EPHB1: variants seen among roughly 807,000 people sequenced by gnomAD.
EPHB1 encodes EPH receptor B1, also known as ephrin type-B receptor 1.
Under a neutral mutation model 94.4 loss-of-function variants are expected in EPHB1, and 30 were observed. That is an observed-to-expected ratio of 0.32 (90% CI 0.24 to 0.43). The LOEUF is 0.43. Among genes scored for constraint, EPHB1 ranks in the 20% least tolerant of loss-of-function variants. EPHB1 has a pLI of 1.00. For missense variants in EPHB1, 1,055 were observed against 1,308.3 expected (o/e 0.81, Z 2.99); for synonymous variants, 522 against 489.1 (o/e 1.07, Z -0.89).
In EPHB1 at chr3:134,951,330, T is replaced by C; in HGVS notation, c.124-41T>C. 6.7e-7 allele frequency: 1 copy of C among 1,494,018 alleles called. No homozygotes were observed. Among genetic ancestry groups the C allele is most frequent in the South Asian group, 1.4e-5 (1 of 71,926 alleles). The allele number at this position is 1,494,018 out of a possible 1,614,324, so 92.5% of individuals were successfully genotyped here. A position where few individuals can be genotyped will look rare whatever the true frequency, so the allele number is the denominator to read the frequency against. Reference sequence around the variant, plus strand: ...ATTTTTGTATTCTCACTCTCTATTTTGTGTTTTTGCATGTGTGTGCCTGTG... The same window carrying C: ...ATTTTTGTATTCTCACTCTCTATTTCGTGTTTTTGCATGTGTGTGCCTGTG... On this transcript the variant is annotated intron_variant, in intron 2 of 15. Coordinates refer to ENST00000398015, the MANE Select transcript of EPHB1 (RefSeq NM_004441.5). This position sits in a 1 kb window ranked among gnomAD's most constrained non-coding sequence, Gnocchi z 4.5.
intron 3 of EPHB1, among the ~76,000 whole-genome samples, chr3:134,993,287 A>T (rs985394769): frequency 6.6e-6 from 1 of 152,352 alleles, no homozygotes; most frequent in Admixed American, 6.5e-5. Flanking sequence ...GATAGATCTC[A>T]TCCTGGCCTC....
intron 1 of EPHB1, among the ~76,000 whole-genome samples, chr3:134,882,808 T>TTCTTTCTTTCTTTCTTTC (rs1560280707): frequency 5.9e-5 from 5 of 85,366 alleles, no homozygotes; most frequent in African/African-American, 2.0e-4. Context: ...CTTTCTTTCT[T>TTCTTTCTTTCTTTCTTTC]TCTTTCTTTC....
intron 3 of EPHB1, among the ~76,000 whole-genome samples, chr3:134,989,497 GCACACACACACA>G (rs61202894): frequency 2.0e-5 from 3 of 149,970 alleles, no homozygotes; most frequent in Middle Eastern, 3.5e-3. Context: ...ACGCGCGCGT[GCACACACACACA>G]CACACACACA....
At chr3:135,244,035 G>T (rs552039894) in intron 13 of EPHB1, among the ~76,000 whole-genome samples, 2 of 152,170 alleles carry the variant, frequency 1.3e-5, no homozygotes, top group East Asian at 3.9e-4. Flanking sequence ...TACATGTCTG[G>T]GGGCAGCCGG....
chr3:135,085,740 C>T (rs906931083), intron 3 of EPHB1, among the ~76,000 whole-genome samples: 6 of 152,194 alleles, frequency 3.9e-5, no homozygotes, highest in Non-Finnish European at 5.9e-5. Context: ...TCTGTCTTTC[C>T]CAGGTGACTG....
chr3:135,155,956 G>A (rs558530478), intron 6 of EPHB1, among the ~76,000 whole-genome samples: 2 of 152,072 alleles, frequency 1.3e-5, no homozygotes, highest in South Asian at 4.2e-4. Flanking sequence ...TATTAACGAG[G>A]ATGATGGTGT....
At position 134,795,689 on chromosome 3, in the gene EPHB1, G is replaced by A. The variant is rs2108280290; in HGVS notation, c.58G>A (p.Glu20Lys). 2 of 1,609,722 alleles carry A rather than the reference G, an allele frequency of 1.2e-6. No homozygotes were observed. Among genetic ancestry groups the A allele is most frequent in the Non-Finnish European group, 1.7e-6 (2 of 1,178,284 alleles). ...GGCATCCGCAGTGGCTGCGATGGAA[G>A]GTAACGTACCCTCCACGGAGCAAGT... Reference protein sequence around the residue: ...LLASAVAAMEETLMDTRTATA... With the variant: ...LLASAVAAMEKTLMDTRTATA... The change falls in exon 1 of 16, where the codon GAA (glutamate) becomes AAA (lysine). Residue 20 changes from glutamate to lysine, a missense_variant and splice_region_variant. By Grantham distance (56) the Glu-to-Lys change is moderately conservative. Transcript: ENST00000398015.
At chr3:134,869,935 G>A (rs1406003649) in intron 1 of EPHB1, among the ~76,000 whole-genome samples, 2 of 152,180 alleles carry the variant, frequency 1.3e-5, no homozygotes, top group Non-Finnish European at 2.9e-5. Flanking sequence ...CCTTGGGTAA[G>A]CATTCTATTT....
chr3:135,257,741 C>A (rs1416802253), intron 15 of EPHB1, among the ~76,000 whole-genome samples: 1 of 143,260 alleles, frequency 7.0e-6, no homozygotes, highest in Non-Finnish European at 1.5e-5. Context: ...TGGGCTCCAC[C>A]CAGTTCGAGC....
intron 3 of EPHB1, among the ~76,000 whole-genome samples, chr3:135,079,160 C>T (rs977744257): frequency 1.3e-5 from 2 of 152,002 alleles, no homozygotes; most frequent in African/African-American, 2.4e-5. Flanking sequence ...TACCCATGAT[C>T]GCATCTTCTC....
intron 3 of EPHB1, among the ~76,000 whole-genome samples, chr3:135,002,394 A>G (rs1169066176): frequency 6.6e-6 from 1 of 152,166 alleles, no homozygotes; most frequent in Non-Finnish European, 1.5e-5. Context: ...CATCAAGGAT[A>G]TTGGTGATAT....
At chr3:135,153,264 G>A (rs1170445352) in intron 5 of EPHB1, among the ~76,000 whole-genome samples, 1 of 152,146 alleles carries the variant, frequency 6.6e-6, no homozygotes, top group Non-Finnish European at 1.5e-5. Flanking sequence ...GAAGTGCCAG[G>A]ACTAAACGGA....
intron 1 of EPHB1, among the ~76,000 whole-genome samples, chr3:134,830,978 G>T (rs774652371): frequency 1.3e-5 from 2 of 152,190 alleles, no homozygotes; most frequent in Non-Finnish European, 1.5e-5. Context: ...CCCTCCATCA[G>T]CTTTCTCTCC....
chr3:135,232,015 G>A (rs1040613433), intron 12 of EPHB1, among the ~76,000 whole-genome samples: 1 of 152,152 alleles, frequency 6.6e-6, no homozygotes, highest in Non-Finnish European at 1.5e-5. Flanking sequence ...CAAATTCCTG[G>A]CATCCTGGGG....
intron 1 of EPHB1, among the ~76,000 whole-genome samples, chr3:134,898,325 C>G (rs1384428938): frequency 3.3e-5 from 5 of 152,140 alleles, no homozygotes; most frequent in African/African-American, 1.2e-4. Flanking sequence ...ATGATGACAC[C>G]AAGTGCTGCT....
chr3:135,187,149 G>GC (rs1942349532), intron 10 of EPHB1, among the ~76,000 whole-genome samples: 1 of 152,182 alleles, frequency 6.6e-6, no homozygotes, highest in Non-Finnish European at 1.5e-5. Flanking sequence ...TAGATGTCTG[G>GC]CTATAGGAGA....
intron 2 of EPHB1, among the ~76,000 whole-genome samples, chr3:134,927,433 G>C (rs1287143974): frequency 6.6e-6 from 1 of 152,198 alleles, no homozygotes; most frequent in African/African-American, 2.4e-5. Context: ...ACTGAACAAG[G>C]CCAAGTCATG....
At chr3:135,240,417 C>T (rs1943753879) in intron 12 of EPHB1, among the ~76,000 whole-genome samples, 1 of 152,134 alleles carries the variant, frequency 6.6e-6, no homozygotes, top group Admixed American at 6.5e-5. Flanking sequence ...AATTTAGAAA[C>T]TTCCAGTGTG....
Position 135,155,787 on chromosome 3 carries a change from CAAAAAAA to C in EPHB1, c.1422+1528_1422+1534del, listed in dbSNP as rs35095229. On this transcript the variant is annotated intron_variant, in intron 6 of 15. Transcript: ENST00000398015. ...TGTGGGTGACAGAGCAAGACTTTGT[CAAAAAAA>C]AAAAAAAAAAAAAAAAGACTGGAGC... is the stretch of plus-strand genomic sequence containing the variant. Among the ~76,000 whole-genome samples, 62 of 59,456 alleles carry C rather than the reference CAAAAAAA, an allele frequency of 1.0e-3. 1 individual carries two copies. Among genetic ancestry groups the C allele is most frequent in the African/African-American group, 3.5e-3 (55 of 15,780 alleles). 39.0% of individuals were successfully genotyped at this position (59,456 alleles called of 152,430 possible). A position where few individuals can be genotyped will look rare whatever the true frequency, so the allele number is the denominator to read the frequency against.
Sources: gnomAD v4.1 joint callset for allele counts (sites outside exome capture counted in the v4.1 genomes callset) on GRCh38, gnomAD v4.1.1 for gene constraint, Gnocchi (gnomAD v3.1) non-coding constraint, MANE v1.5 for transcripts, NCBI Gene and HGNC (gene_info 2026-07-23, HGNC 2026-07-21) for gene names.